IKZF3: variants seen among roughly 807,000 people sequenced by gnomAD.
IKZF3 encodes the protein IKAROS family zinc finger 3.
In IKZF3, 10 loss-of-function variants were observed where a neutral mutation model predicts 49.0. The observed-to-expected ratio is 0.20, with a 90% CI of 0.13 to 0.35. IKZF3 has a LOEUF of 0.35. Ranked by LOEUF, IKZF3 falls within the 10% of genes least tolerant of loss-of-function variation. IKZF3 has a pLI of 1.00. For synonymous variants in IKZF3, 209 were observed against 228.2 expected (o/e 0.92, Z 0.76); for missense variants, 498 against 664.8 (o/e 0.75, Z 2.76).
intron 7 of IKZF3, among the ~76,000 whole-genome samples, chr17:39,766,959 G>C (rs2060309516): frequency 6.6e-6 from 1 of 151,980 alleles, no homozygotes. Context: ...GGTAGCCAGG[G>C]GGACAGAAGT....
At chr17:39,830,910 C>T (rs2062091227) in intron 2 of IKZF3, among the ~76,000 whole-genome samples, 1 of 152,188 alleles carries the variant, frequency 6.6e-6, no homozygotes, top group Non-Finnish European at 1.5e-5. Context: ...AAAATGTGGT[C>T]ACCATGGACT....
chr17:39,794,714 T>G (rs1294815109), intron 3 of IKZF3, among the ~76,000 whole-genome samples: 1 of 152,244 alleles, frequency 6.6e-6, no homozygotes, highest in African/African-American at 2.4e-5. Flanking sequence ...AAATGATATC[T>G]GTTTCCTACT....
chr17:39,850,183 GCATATTATGTATGTATATATACTATATAA>G (rs1328982319), intron 1 of IKZF3, among the ~76,000 whole-genome samples: 1 of 108,172 alleles, frequency 9.2e-6, no homozygotes, highest in African/African-American at 3.8e-5. Flanking sequence ...ATACTATATA[GCATATTATGTATGTATATATACTATATAA>G]CATATTATGT....
chr17:39,829,518 G>C, intron 2 of IKZF3, 30 bp from the exon 3 acceptor site: 1 of 1,476,914 alleles, frequency 6.8e-7, no homozygotes, highest in Non-Finnish European at 9.5e-7. Context: ...TTAAGTATGT[G>C]GTTCAACGTT....
intron 1 of IKZF3, among the ~76,000 whole-genome samples, chr17:39,845,608 T>G (rs957960361): frequency 3.9e-5 from 6 of 152,088 alleles, no homozygotes; most frequent in Non-Finnish European, 8.8e-5. Flanking sequence ...GCTTTTGTAC[T>G]CCATCAGCCA....
chr17:39,769,751 G>C (rs9894370), intron 7 of IKZF3, among the ~76,000 whole-genome samples: 17,059 of 152,110 alleles, frequency 0.11, 2,104 homozygotes, highest in African/African-American at 0.31. Flanking sequence ...ACCCAACAGA[G>C]AGGCTCCAGA....
Position 39,783,325 on chromosome 17 carries a change from C to T in IKZF3, c.709+4933G>A, listed in dbSNP as rs151211478. ...AAAATGAATACTACCTGTGAGATAGCATTTTTTATTTTTTGAGATGGAGTC... is the reference window on the plus strand; with the variant it reads ...AAAATGAATACTACCTGTGAGATAGTATTTTTTATTTTTTGAGATGGAGTC... On this transcript the variant is annotated intron_variant, in intron 6 of 7. Coordinates refer to ENST00000346872, the MANE Select transcript of IKZF3 (RefSeq NM_012481.5). Among the ~76,000 whole-genome samples, 402 of 152,232 alleles carry T rather than the reference C, an allele frequency of 2.6e-3. 1 individual carries two copies. Among genetic ancestry groups the T allele is most frequent in the Middle Eastern group, 6.8e-3 (2 of 294 alleles).
chr17:39,801,829 CT>C (rs989733944), intron 3 of IKZF3, among the ~76,000 whole-genome samples: 2 of 151,774 alleles, frequency 1.3e-5, no homozygotes, highest in Non-Finnish European at 2.9e-5. Flanking sequence ...ATTATGTTTT[CT>C]TTTTTTCTCT....
chr17:39,814,125 T>C lies in IKZF3; in HGVS notation c.163+15262A>G, dbSNP rs184116805. On this transcript the variant is annotated intron_variant, in intron 3 of 7. Transcript: ENST00000346872. ...CTCAAAAGGGACCGAGACTATGCCA[T>C]GGGAAGCTACTGAAGATGGGAGTTA... 8.6e-4 allele frequency among the ~76,000 whole-genome samples: 131 copies of C among 152,334 alleles called. 1 individual carries two copies. The highest frequency in any genetic ancestry group is 1.4e-3 in the Non-Finnish European group (93 of 68,028).
At chr17:39,857,976 A>AG (rs564190108) in intron 1 of IKZF3, among the ~76,000 whole-genome samples, 62 of 151,542 alleles carry the variant, frequency 4.1e-4, no homozygotes, top group Admixed American at 1.6e-3. Flanking sequence ...AAAAAAAAAA[A>AG]AGAGAGAGAG....
chr17:39,859,848 C>T (rs2063167140), intron 1 of IKZF3, among the ~76,000 whole-genome samples: 1 of 152,152 alleles, frequency 6.6e-6, no homozygotes, highest in Admixed American at 6.5e-5. Context: ...TTATTGAGCA[C>T]CTACTATAGG....
At chr17:39,860,696 C>A (rs1461338321) in intron 1 of IKZF3, among the ~76,000 whole-genome samples, 1 of 152,132 alleles carries the variant, frequency 6.6e-6, no homozygotes, top group Non-Finnish European at 1.5e-5. Context: ...ATGTGACCCC[C>A]AAATTAGACA....
chr17:39,786,491 C>T lies in IKZF3; in HGVS notation c.709+1767G>A, dbSNP rs1024987633. Among the ~76,000 whole-genome samples, 40 of 152,292 alleles carry T rather than the reference C, an allele frequency of 2.6e-4. 1 individual carries two copies. The highest frequency in any genetic ancestry group is 9.1e-4 in the African/African-American group (38 of 41,562). The stretch of plus-strand genomic sequence containing the variant: ...GCAAGTAGAGATGCCTACATTCCGT[C>T]CTTGAGCGAGTACTGCCTGACTGCC... On this transcript the variant is annotated intron_variant, in intron 6 of 7. Coordinates refer to ENST00000346872, the MANE Select transcript of IKZF3 (RefSeq NM_012481.5).
At chr17:39,815,515 C>T (rs1418724574) in intron 3 of IKZF3, among the ~76,000 whole-genome samples, 3 of 152,188 alleles carry the variant, frequency 2.0e-5, no homozygotes, top group Non-Finnish European at 4.4e-5. Context: ...ATATAAGCAA[C>T]AATAATATTC....
At chr17:39,819,935 T>A (rs2061764762) in intron 3 of IKZF3, among the ~76,000 whole-genome samples, 1 of 152,152 alleles carries the variant, frequency 6.6e-6, no homozygotes, top group Non-Finnish European at 1.5e-5. Context: ...CCTCTCAAAG[T>A]ATTGGGATTA....
rs149388526 is a variant in IKZF3 at position 39,819,391 on chromosome 17, T to C, written c.163+9996A>G. Among the ~76,000 whole-genome samples, 11 of 152,284 alleles carry C rather than the reference T, an allele frequency of 7.2e-5. No individual in the cohort carries two copies. In the East Asian group the frequency reaches 2.1e-3, roughly 29 times the overall value. ...AAAAAACAAGCCACAGGCACAGCTA[T>C]CATTTGCCTCATTCTGAGTGAGACT... On this transcript the variant is annotated intron_variant, in intron 3 of 7. Coordinates refer to ENST00000346872, the MANE Select transcript of IKZF3 (RefSeq NM_012481.5).
intron 1 of IKZF3, among the ~76,000 whole-genome samples, chr17:39,851,912 C>T (rs12938117): frequency 0.058 from 8,796 of 152,170 alleles, 402 homozygotes; most frequent in African/African-American, 0.12. Context: ...AACTTTGAAT[C>T]TCAAGAGTTT....
intron 1 of IKZF3, among the ~76,000 whole-genome samples, chr17:39,855,087 C>A (rs772081387): frequency 6.6e-6 from 1 of 152,074 alleles, no homozygotes. Context: ...TTTATGGAAT[C>A]CAGGGTTGCA....
intron 1 of IKZF3, among the ~76,000 whole-genome samples, chr17:39,855,524 G>A (rs1309666679): frequency 6.6e-6 from 1 of 152,186 alleles, no homozygotes; most frequent in Non-Finnish European, 1.5e-5. Flanking sequence ...GGTCATTGAT[G>A]TTTGCAATGG....
Sources: gnomAD v4.1 joint callset for allele counts (sites outside exome capture counted in the v4.1 genomes callset) on GRCh38, gnomAD v4.1.1 for gene constraint, MANE v1.5 for transcripts, NCBI Gene and HGNC (gene_info 2026-07-23, HGNC 2026-07-21) for gene names.